The following TRDN variants were observed in gnomAD, a reference collection of about 807,000 sequenced individuals.
The protein encoded by TRDN is triadin.
TRDN carries 161 observed loss-of-function variants against 149.7 expected under a neutral mutation model. That is an observed-to-expected ratio of 1.08 (90% CI 0.95 to 1.23). TRDN has a LOEUF of 1.23. Among genes scored for constraint, TRDN ranks in the 50% most tolerant of loss-of-function variants. The probability of loss-of-function intolerance (pLI) is 0.00; values close to 1 mark genes in which losing one functional copy is unlikely to be tolerated. For missense variants in TRDN, 896 were observed against 823.5 expected (o/e 1.09, Z -1.08); for synonymous variants, 294 against 250.5 (o/e 1.17, Z -1.64).
chr6:123,618,922 A>G (rs560941301), intron 1 of TRDN, among the ~76,000 whole-genome samples: 263 of 152,194 alleles, frequency 1.7e-3, no homozygotes, highest in African/African-American at 5.9e-3. Context: ...ACATTTTATT[A>G]TAATAATCAA....
rs539748682 is a variant in TRDN, at chr6:123,583,290, T to G, written c.23-12158A>C. ...AGGAGTATGACTAGACAGAAGATAG[T>G]AGGGATGACAAGTTTTTGGGGGGCA... On this transcript the variant is annotated intron_variant, in intron 1 of 40. Transcript: ENST00000334268. 1.1e-4 allele frequency among the ~76,000 whole-genome samples: 17 copies of G among 151,532 alleles called. No individual in the cohort carries two copies. In the South Asian group the frequency reaches 3.5e-3, roughly 32 times the overall value.
intron 4 of TRDN, among the ~76,000 whole-genome samples, chr6:123,534,759 A>G (rs936995250): frequency 6.6e-6 from 1 of 152,182 alleles, no homozygotes; most frequent in East Asian, 1.9e-4. Context: ...TTATTTAATA[A>G]TTTGCAAAGA....
intron 24 of TRDN, among the ~76,000 whole-genome samples, chr6:123,285,822 A>T (rs1428592263): frequency 6.6e-6 from 1 of 152,066 alleles, no homozygotes; most frequent in Non-Finnish European, 1.5e-5. Flanking sequence ...ATCTACAAGG[A>T]ACTCAAACAA....
At chr6:123,269,740 G>A in intron 31 of TRDN, 109 bp downstream of exon 31, 2 of 1,040,750 alleles carry the variant, frequency 1.9e-6, no homozygotes, top group Non-Finnish European at 2.8e-6. Flanking sequence ...CAGTTATTTA[G>A]ACACAGACAA....
At chr6:123,451,339 T>G (rs186399507) in intron 10 of TRDN, among the ~76,000 whole-genome samples, 1 of 151,868 alleles carries the variant, frequency 6.6e-6, no homozygotes, top group African/African-American at 2.4e-5. Flanking sequence ...ATAAATAAAA[T>G]TGATAGACCA....
chr6:123,375,330 T>C (rs974526881), intron 19 of TRDN, among the ~76,000 whole-genome samples: 5 of 152,178 alleles, frequency 3.3e-5, no homozygotes, highest in Non-Finnish European at 7.4e-5. Context: ...AGTTCACTTA[T>C]TATACTGCAA....
At chr6:123,281,058 G>A (rs529116548) in intron 24 of TRDN, among the ~76,000 whole-genome samples, 3 of 152,142 alleles carry the variant, frequency 2.0e-5, no homozygotes, top group Admixed American at 2.0e-4. Flanking sequence ...CAAAATACAT[G>A]TTACAGTTAC....
At chr6:123,280,264 T>C (rs1351897577) in intron 24 of TRDN, among the ~76,000 whole-genome samples, 7 of 152,028 alleles carry the variant, frequency 4.6e-5, no homozygotes, top group Non-Finnish European at 1.0e-4. Context: ...AGAAGAGCAC[T>C]GAACAGCATA....
At chr6:123,273,159 CA>C (rs917046887) in intron 28 of TRDN, 148 bp from the exon 29 acceptor site, 1 of 748,866 alleles carries the variant, frequency 1.3e-6, no homozygotes, top group African/African-American at 1.9e-5. Flanking sequence ...GGTTTTAGTT[CA>C]TGAAAACAAT....
intron 32 of TRDN, 68 bp downstream of exon 32, chr6:123,267,639 C>T: frequency 1.7e-6 from 2 of 1,155,988 alleles, no homozygotes; most frequent in Non-Finnish European, 1.2e-6. Context: ...GTATGCATTA[C>T]TTTAATTTTT....
intron 4 of TRDN, among the ~76,000 whole-genome samples, chr6:123,534,076 G>T (rs985362674): frequency 3.3e-5 from 5 of 152,040 alleles, no homozygotes; most frequent in Non-Finnish European, 2.9e-5. Context: ...GCAGATGCAG[G>T]CAGTTGTTTT....
At chr6:123,438,202 G>A in intron 11 of TRDN, 80 bp from the exon 12 acceptor site, 2 of 975,374 alleles carry the variant, frequency 2.1e-6, no homozygotes. Flanking sequence ...CTACCAGTGA[G>A]GCATCTAATT....
intron 2 of TRDN, among the ~76,000 whole-genome samples, chr6:123,552,321 CT>C (rs1781440724): frequency 6.6e-6 from 1 of 152,094 alleles, no homozygotes; most frequent in African/African-American, 2.4e-5. Flanking sequence ...GGTTTTGAAG[CT>C]AAACTATGCG....
chr6:123,307,187 A>G (rs1778642990), intron 24 of TRDN, among the ~76,000 whole-genome samples: 1 of 152,240 alleles, frequency 6.6e-6, no homozygotes, highest in South Asian at 2.1e-4. Flanking sequence ...AGAAGAAAAG[A>G]TTACCAAGCA....
chr6:123,545,753 AGTTTT>A (rs2114423037), intron 4 of TRDN, among the ~76,000 whole-genome samples: 1 of 152,182 alleles, frequency 6.6e-6, no homozygotes, highest in Non-Finnish European at 1.5e-5. Context: ...ACTATTTAAT[AGTTTT>A]TCTGGCAAAA....
intron 21 of TRDN, among the ~76,000 whole-genome samples, chr6:123,340,316 A>G (rs1582892550): frequency 6.6e-6 from 1 of 152,094 alleles, no homozygotes; most frequent in East Asian, 1.9e-4. Flanking sequence ...AACAGCAGTA[A>G]TTATTAATAC....
chr6:123,616,225 C>T (rs1203601576), intron 1 of TRDN, among the ~76,000 whole-genome samples: 1 of 151,904 alleles, frequency 6.6e-6, no homozygotes, highest in Non-Finnish European at 1.5e-5. Flanking sequence ...TGTGCCTGTG[C>T]TTGCAGCGAC....
In TRDN at chr6:123,540,176, C is replaced by A. The variant is rs533049073; in HGVS notation, c.424+7164G>T. ...GGCCTTGATAAAGTGCATATTTCTTCTCTCTGTCCAACTGATTGGCTCCAA... is the reference window on the plus strand; with the variant it reads ...GGCCTTGATAAAGTGCATATTTCTTATCTCTGTCCAACTGATTGGCTCCAA... On this transcript the variant is annotated intron_variant, in intron 4 of 40. Coordinates refer to ENST00000334268, the MANE Select transcript of TRDN (RefSeq NM_006073.4). 2.0e-5 allele frequency among the ~76,000 whole-genome samples: 3 copies of A among 152,332 alleles called. No individual in the cohort carries two copies. In the South Asian group the frequency reaches 6.2e-4, roughly 32 times the overall value.
rs1562380056 is a variant in TRDN at position 123,548,482 on chromosome 6, A to G, written c.363T>C (p.Asp121=). Residue 121 remains aspartate (D), a synonymous_variant, in exon 3 of 41, where the codon GAT becomes GAC. Coordinates refer to ENST00000334268, the MANE Select transcript of TRDN (RefSeq NM_006073.4). The part of the protein sequence containing the change: ...SDIISSEDEE[D]DDGDEDTDKG... ...TATCAGTATCTTCGTCACCATCATC[A>G]TCTTCTTCATCTTCAGATGAGATGA... 2.5e-6 allele frequency: 4 copies of G among 1,572,112 alleles called. No homozygotes were observed. Among genetic ancestry groups the G allele is most frequent in the African/African-American group, 2.7e-5 (2 of 73,472 alleles).
Sources: gnomAD v4.1 joint callset for allele counts (sites outside exome capture counted in the v4.1 genomes callset) on GRCh38, gnomAD v4.1.1 for gene constraint, MANE v1.5 for transcripts, NCBI Gene and HGNC (gene_info 2026-07-23, HGNC 2026-07-21) for gene names.